ZNF831: variants seen among roughly 807,000 people sequenced by gnomAD.
The protein encoded by ZNF831 is zinc finger protein 831, also known as chromosome 20 open reading frame 174.
In ZNF831, 59 loss-of-function variants were observed where a neutral mutation model predicts 95.8. The ratio of observed to expected loss-of-function variants is 0.62; its 90% CI spans 0.50 to 0.77. The LOEUF is 0.77. Among genes scored for constraint, ZNF831 ranks in the 30% least tolerant of loss-of-function variants. The pLI is 0.00. For synonymous variants in ZNF831, 961 were observed against 925.5 expected (o/e 1.04, Z -0.70); for missense variants, 2,205 against 2,164.0 (o/e 1.02, Z -0.38).
At chr20:59,144,420 T>C (rs567071899) in intron 1 of ZNF831, among the ~76,000 whole-genome samples, 8 of 152,260 alleles carry the variant, frequency 5.3e-5, no homozygotes, top group African/African-American at 1.2e-4. Context: ...TCCTGGGCAT[T>C]GTAGGGTGCT....
In ZNF831 at chr20:59,212,295, C is replaced by T. The variant is rs528861307; in HGVS notation, c.4027+5239C>T. 3.3e-5 allele frequency among the ~76,000 whole-genome samples: 5 copies of T among 152,230 alleles called. No individual in the cohort carries two copies. In the South Asian group the frequency reaches 1.0e-3, roughly 32 times the overall value. ...TTAACAGATGGCTTGGCAGTGAAGTCATCTGTAAGCAGAAGGCCAGAGGAG... is the reference window on the plus strand; with the variant it reads ...TTAACAGATGGCTTGGCAGTGAAGTTATCTGTAAGCAGAAGGCCAGAGGAG... On this transcript the variant is annotated intron_variant, in intron 4 of 5. Coordinates refer to ENST00000371030, the MANE Select transcript of ZNF831 (RefSeq NM_178457.3).
rs2146772412 is a variant in ZNF831 at position 59,254,595 on chromosome 20, C to T, written c.4886C>T (p.Pro1629Leu). ...ATCACTCGGAAAGATTCTGTGGTTC[C>T]TTCTAAGCCAGAGCAGCCCATAGAA... ...GLITRKDSVV[P>L]SKPEQPIEIP... The change falls in exon 6 of 6, where the codon CCT becomes CTT. Residue 1629 changes from proline (P) to leucine (L), a missense_variant. Physicochemically the swap from Pro to Leu is moderately conservative, Grantham distance 98 (BLOSUM62 -3). Coordinates refer to ENST00000371030, the MANE Select transcript of ZNF831 (RefSeq NM_178457.3). This position sits in a 1 kb window ranked among gnomAD's most constrained non-coding sequence, Gnocchi z 4.5. 1 of 1,614,054 alleles carries T rather than the reference C, an allele frequency of 6.2e-7. No homozygotes were observed. Among genetic ancestry groups the T allele is most frequent in the Non-Finnish European group, 8.5e-7 (1 of 1,180,036 alleles).
At position 59,255,810 on chromosome 20, in the gene ZNF831, A is replaced by G. The variant is rs1345494225; in HGVS notation, c.*1067A>G. 6.6e-6 allele frequency: 1 copy of G among 152,148 alleles called. No homozygotes were observed. Among genetic ancestry groups the G allele is most frequent in the Admixed American group, 6.5e-5 (1 of 15,274 alleles). The allele number at this position is 152,148 out of a possible 1,614,324, so 9.4% of individuals were successfully genotyped here. A position where few individuals can be genotyped will look rare whatever the true frequency, so the allele number is the denominator to read the frequency against. The stretch of plus-strand genomic sequence containing the variant: ...GGGCTTAGTGTTACTTTGCTGTCAA[A>G]TTAAATCAGCCTCTGTATTGTGCAC... On this transcript the variant is annotated 3_prime_UTR_variant, in exon 6 of 6. Coordinates refer to ENST00000371030, the MANE Select transcript of ZNF831 (RefSeq NM_178457.3).
In ZNF831 at chr20:59,194,021, C is replaced by G. The variant is rs201919992; in HGVS notation, c.3002C>G (p.Ala1001Gly). The G allele has an allele frequency of 6.5e-7, 1 of 1,527,056 alleles. No individual in the cohort carries two copies. The highest frequency in any genetic ancestry group is 8.8e-7 in the Non-Finnish European group (1 of 1,139,242). 94.6% of individuals were successfully genotyped at this position (1,527,056 alleles called of 1,614,324 possible). ...GCCTCAGGCCCCTCCCCAGGTGAGGCGGACAGCATCCTGGAGGACCCCAGC... is the reference window on the plus strand; with the variant it reads ...GCCTCAGGCCCCTCCCCAGGTGAGGGGGACAGCATCCTGGAGGACCCCAGC... ...SPASGPSPGE[A>G]DSILEDPSCS... The change falls in exon 2 of 6, where the codon GCG (alanine) becomes GGG (glycine). Residue 1001 changes from alanine (A) to glycine (G), a missense_variant. Ala to Gly is a moderately conservative substitution (Grantham distance 60). Transcript: ENST00000371030.
At chr20:59,247,786 G>A (rs1987691491) in intron 4 of ZNF831, among the ~76,000 whole-genome samples, 1 of 151,970 alleles carries the variant, frequency 6.6e-6, no homozygotes, top group Non-Finnish European at 1.5e-5. Context: ...TGGAGTTTTG[G>A]TGTATTGGGA....
intron 1 of ZNF831, among the ~76,000 whole-genome samples, chr20:59,175,247 T>C (rs1048774556): frequency 1.3e-5 from 2 of 149,690 alleles, no homozygotes; most frequent in African/African-American, 4.9e-5. Context: ...GGGTGGGTGG[T>C]TCTCTCAGCT....
chr20:59,205,891 G>A (rs1443686364), intron 3 of ZNF831, among the ~76,000 whole-genome samples: 1 of 152,122 alleles, frequency 6.6e-6, no homozygotes, highest in Admixed American at 6.5e-5. Context: ...ATTCCTATTA[G>A]TAAAATAATT....
At chr20:59,130,528 C>T (rs1164549023) in intron 1 of ZNF831, among the ~76,000 whole-genome samples, 1 of 152,196 alleles carries the variant, frequency 6.6e-6, no homozygotes, top group Admixed American at 6.5e-5. Context: ...TCCCTCCCCT[C>T]CTAATGAGCA....
chr20:59,228,529 G>A (rs73915984), intron 4 of ZNF831, among the ~76,000 whole-genome samples: 2,092 of 151,836 alleles, frequency 0.014, 50 homozygotes, highest in African/African-American at 0.048. Context: ...CCAGCCAATG[G>A]GAACATCCTA....
intron 1 of ZNF831, among the ~76,000 whole-genome samples, chr20:59,128,227 T>G: frequency 6.6e-6 from 1 of 152,180 alleles, no homozygotes; most frequent in East Asian, 1.9e-4. Flanking sequence ...ACTAATTAGG[T>G]GTTTTTTAAA....
chr20:59,125,103 G>GTGATGCCTGT (rs1979130483), intron 1 of ZNF831, among the ~76,000 whole-genome samples: 1 of 152,156 alleles, frequency 6.6e-6, no homozygotes, highest in Non-Finnish European at 1.5e-5. Context: ...GACGTTATTA[G>GTGATGCCTGT]GACTAGATGT....
chr20:59,238,925 G>A (rs560256683), intron 4 of ZNF831, among the ~76,000 whole-genome samples: 7 of 152,294 alleles, frequency 4.6e-5, no homozygotes, highest in Admixed American at 4.6e-4. Flanking sequence ...AAGAGGTTCA[G>A]CAAGGAAAAT....
At chr20:59,189,895 G>C (rs193274227) in intron 1 of ZNF831, among the ~76,000 whole-genome samples, 7 of 152,334 alleles carry the variant, frequency 4.6e-5, no homozygotes, top group African/African-American at 1.7e-4. Context: ...AACGGAGCTG[G>C]GGATGGGTGA....
intron 4 of ZNF831, among the ~76,000 whole-genome samples, chr20:59,221,357 C>T (rs1986061344): frequency 6.6e-6 from 1 of 152,134 alleles, no homozygotes; most frequent in Non-Finnish European, 1.5e-5. Flanking sequence ...GAGAAAATGA[C>T]GAAACTGGAA....
chr20:59,224,564 A>C (rs1463326692), intron 4 of ZNF831, among the ~76,000 whole-genome samples: 5 of 152,214 alleles, frequency 3.3e-5, no homozygotes, highest in Non-Finnish European at 5.9e-5. Flanking sequence ...TCAAGCATCC[A>C]TGCATTCAGT....
upstream of ZNF831, among the ~76,000 whole-genome samples, chr20:59,163,416 T>TAA (rs1000528055): frequency 1.8e-4 from 27 of 152,196 alleles, no homozygotes; most frequent in African/African-American, 6.3e-4. Flanking sequence ...CCATTTTACA[T>TAA]AAAGACAGCA....
chr20:59,237,774 C>T (rs776212678), intron 4 of ZNF831, among the ~76,000 whole-genome samples: 9 of 152,100 alleles, frequency 5.9e-5, no homozygotes, highest in African/African-American at 1.7e-4. Context: ...AAACATAGCC[C>T]GCAGCCATCC....
intron 1 of ZNF831, among the ~76,000 whole-genome samples, chr20:59,178,225 G>A (rs2146511187): frequency 6.6e-6 from 1 of 152,292 alleles, no homozygotes; most frequent in East Asian, 1.9e-4. Context: ...ACCAAGTGGT[G>A]GAAATTGTTA....
intron 4 of ZNF831, among the ~76,000 whole-genome samples, chr20:59,237,147 C>CA (rs2146713274): frequency 6.6e-6 from 1 of 152,296 alleles, no homozygotes; most frequent in African/African-American, 2.4e-5. Context: ...CCTAATAAGC[C>CA]TTTCCTAGTT....
Sources: allele counts gnomAD v4.1 joint callset (sites outside exome capture counted in the v4.1 genomes callset), GRCh38; gene constraint gnomAD v4.1.1; non-coding constraint Gnocchi (gnomAD v3.1); transcripts MANE v1.5; gene names NCBI Gene and HGNC (gene_info 2026-07-23, HGNC 2026-07-21).